NTNG1: variants seen among roughly 807,000 people sequenced by gnomAD.
The protein encoded by NTNG1 is netrin-G1.
A neutral mutation model predicts 54.0 loss-of-function variants in NTNG1; 16 were observed. The observed-to-expected ratio is 0.30, with a 90% CI of 0.20 to 0.45. The LOEUF (loss-of-function observed/expected upper bound fraction) is 0.45, where lower values mean the gene tolerates loss of function less well. Among genes scored for constraint, NTNG1 ranks in the 20% least tolerant of loss-of-function variants. The pLI is 1.00. For synonymous variants in NTNG1, 255 were observed against 263.1 expected, an observed-to-expected ratio of 0.97 and a Z score of 0.30; for missense variants, 530 against 678.7, an observed-to-expected ratio of 0.78 and a Z score of 2.43.
At chr1:107,347,934 C>T (rs554210616) in intron 3 of NTNG1, among the ~76,000 whole-genome samples, 1 of 152,200 alleles carries the variant, frequency 6.6e-6, no homozygotes, top group Non-Finnish European at 1.5e-5. Flanking sequence ...ATTACTTCCA[C>T]TTGGTCCCAC....
chr1:107,188,020 C>G (rs927102696), intron 2 of NTNG1, among the ~76,000 whole-genome samples: 1 of 151,574 alleles, frequency 6.6e-6, no homozygotes, highest in African/African-American at 2.4e-5. Context: ...TATAATTAGT[C>G]CAGTTACTTA....
intron 2 of NTNG1, among the ~76,000 whole-genome samples, chr1:107,225,539 C>A (rs1660616749): frequency 6.6e-6 from 1 of 152,136 alleles, no homozygotes; most frequent in Non-Finnish European, 1.5e-5. Context: ...ACTTTACTAT[C>A]TGTGAGCTCC....
At chr1:107,311,758 T>C (rs1447292032) in intron 2 of NTNG1, among the ~76,000 whole-genome samples, 1 of 152,176 alleles carries the variant, frequency 6.6e-6, no homozygotes, top group Admixed American at 6.6e-5. Context: ...GCACACTTGT[T>C]ATGTGTCAGT....
At chr1:107,225,320 A>G (rs1404504536) in intron 2 of NTNG1, among the ~76,000 whole-genome samples, 2 of 152,168 alleles carry the variant, frequency 1.3e-5, no homozygotes, top group Admixed American at 1.3e-4. Flanking sequence ...TCCTAGGTCA[A>G]GGCAGTTGAG....
At chr1:107,176,585 C>T (rs986643112) in intron 2 of NTNG1, among the ~76,000 whole-genome samples, 8 of 152,156 alleles carry the variant, frequency 5.3e-5, no homozygotes, top group African/African-American at 1.4e-4. Flanking sequence ...TGCTGTGATA[C>T]TTACATGAAT....
At chr1:107,341,240 C>G (rs912810900) in intron 3 of NTNG1, among the ~76,000 whole-genome samples, 1 of 152,126 alleles carries the variant, frequency 6.6e-6, no homozygotes, top group African/African-American at 2.4e-5. Flanking sequence ...CCTCTACTAA[C>G]TCTTTCCACT....
At chr1:107,286,540 G>A (rs577103969) in intron 2 of NTNG1, among the ~76,000 whole-genome samples, 3 of 152,148 alleles carry the variant, frequency 2.0e-5, no homozygotes, top group African/African-American at 7.2e-5. Context: ...ATTTATATCC[G>A]ATTTTCTACA....
At chr1:107,244,806 A>G (rs1662083561) in intron 2 of NTNG1, among the ~76,000 whole-genome samples, 1 of 152,134 alleles carries the variant, frequency 6.6e-6, no homozygotes, top group Admixed American at 6.5e-5. Flanking sequence ...CAGGACCTTG[A>G]CTGTGGCACG....
intron 2 of NTNG1, among the ~76,000 whole-genome samples, chr1:107,232,756 A>G (rs5012609): frequency 0.73 from 111,495 of 152,116 alleles, 44,907 homozygotes; most frequent in South Asian, 0.92. Flanking sequence ...CAATAAAAGG[A>G]ATAGAGGTAA....
chr1:107,193,190 C>T (rs1233300615), intron 2 of NTNG1, among the ~76,000 whole-genome samples: 4 of 151,994 alleles, frequency 2.6e-5, no homozygotes, highest in Non-Finnish European at 5.9e-5. Context: ...TTGAGAACCC[C>T]TTCCACAACT....
rs76565328 is a variant in NTNG1 at position 107,460,220 on chromosome 1, C to T, written c.1391-20391C>T. 9.3e-3 allele frequency among the ~76,000 whole-genome samples: 1,408 copies of T among 152,206 alleles called. 12 individuals are homozygous for T. The highest frequency in any genetic ancestry group is 0.016 in the Non-Finnish European group (1,115 of 68,010). On this transcript the variant is annotated intron_variant, in intron 7 of 7. Transcript: ENST00000370068. ...GCTTCATGAAACTCAGCTCATGCCC[C>T]GGTGCAATGCCATCAAACCATGGCC...
intron 2 of NTNG1, among the ~76,000 whole-genome samples, chr1:107,219,040 A>G (rs1164037056): frequency 6.6e-6 from 1 of 152,140 alleles, no homozygotes; most frequent in African/African-American, 2.4e-5. Context: ...CTTCCTCAGG[A>G]ACACCAATTA....
intron 3 of NTNG1, among the ~76,000 whole-genome samples, chr1:107,351,613 C>T (rs1226661380): frequency 6.6e-6 from 1 of 152,222 alleles, no homozygotes; most frequent in South Asian, 2.1e-4. Context: ...TACAATTCAA[C>T]ATGAGATTTG....
chr1:107,166,716 C>T (rs1655822339), intron 2 of NTNG1, among the ~76,000 whole-genome samples: 1 of 151,768 alleles, frequency 6.6e-6, no homozygotes, highest in Non-Finnish European at 1.5e-5. Flanking sequence ...TGAAGATTAT[C>T]TGAAACAATT....
At chr1:107,424,027 GAC>G (rs995658039) in intron 5 of NTNG1, among the ~76,000 whole-genome samples, 1 of 152,114 alleles carries the variant, frequency 6.6e-6, no homozygotes, top group Non-Finnish European at 1.5e-5. Context: ...GCACAAAACA[GAC>G]ACAGTCTGCC....
chr1:107,356,194 G>A (rs1669921300), intron 3 of NTNG1, among the ~76,000 whole-genome samples: 1 of 152,162 alleles, frequency 6.6e-6, no homozygotes, highest in Admixed American at 6.5e-5. Flanking sequence ...AGCTCTTTAA[G>A]AAATTTTAAT....
intron 5 of NTNG1, among the ~76,000 whole-genome samples, chr1:107,428,986 A>G (rs1441324579): frequency 2.0e-5 from 3 of 151,972 alleles, no homozygotes; most frequent in Non-Finnish European, 4.4e-5. Context: ...TGGAGTCTCA[A>G]TGCCACCTTC....
intron 2 of NTNG1, among the ~76,000 whole-genome samples, chr1:107,207,477 C>T (rs187686617): frequency 7.9e-5 from 12 of 152,260 alleles, no homozygotes; most frequent in Admixed American, 6.5e-4. Flanking sequence ...TGAGAGATCC[C>T]ATTGTGTACT....
intron 2 of NTNG1, among the ~76,000 whole-genome samples, chr1:107,191,412 G>T (rs1270963558): frequency 6.6e-6 from 1 of 151,860 alleles, no homozygotes; most frequent in Non-Finnish European, 1.5e-5. Flanking sequence ...CTTTTGCTGT[G>T]CAGAAGCTCT....
Sources: gnomAD v4.1 joint callset for allele counts (sites outside exome capture counted in the v4.1 genomes callset) on GRCh38, gnomAD v4.1.1 for gene constraint, MANE v1.5 for transcripts, NCBI Gene and HGNC (gene_info 2026-07-23, HGNC 2026-07-21) for gene names.